The following FMN1 variants were observed in gnomAD, a reference collection of about 807,000 sequenced individuals.
The protein encoded by FMN1 is formin 1.
FMN1 carries 110 observed loss-of-function variants against 132.4 expected under a neutral mutation model. That is an observed-to-expected ratio of 0.83 (90% CI 0.71 to 0.97). The LOEUF (loss-of-function observed/expected upper bound fraction) is 0.97, where lower values mean the gene tolerates loss of function less well. FMN1 is among the 50% of genes least tolerant of loss of function. The pLI is 0.00. For missense variants in FMN1, 1,792 were observed against 1,705.3 expected, an observed-to-expected ratio of 1.05 and a Z score of -0.90; for synonymous variants, 722 against 651.7, an observed-to-expected ratio of 1.11 and a Z score of -1.64.
chr15:32,868,621 A>C (rs191664116), intron 16 of FMN1, among the ~76,000 whole-genome samples: 292 of 152,274 alleles, frequency 1.9e-3, no homozygotes, highest in African/African-American at 6.7e-3. Context: ...CACGTGAAAA[A>C]CATCTCTCTT....
At chr15:33,043,275 C>A (rs538537002) in intron 6 of FMN1, among the ~76,000 whole-genome samples, 1 of 152,322 alleles carries the variant, frequency 6.6e-6, no homozygotes, top group South Asian at 2.1e-4. Context: ...TTTTTCTATA[C>A]ATCATGAACT....
rs374217547 is a variant in FMN1, at chr15:33,096,877, C to T, written c.1868-7903G>A. Among the ~76,000 whole-genome samples, 66 of 152,322 alleles carry T rather than the reference C, an allele frequency of 4.3e-4. No individual in the cohort carries two copies. In the East Asian group the frequency reaches 8.7e-3, roughly 20 times the overall value. ...TTGGCTTTCCAAAGTGCTGGGATTA[C>T]AGGCATGCACCAACTCGCCTCGCTG... On this transcript the variant is annotated intron_variant, in intron 4 of 20. Coordinates refer to ENST00000616417, the MANE Select transcript of FMN1 (RefSeq NM_001277313.2).
intron 17 of FMN1, among the ~76,000 whole-genome samples, chr15:32,813,572 C>G (rs2057959056): frequency 6.6e-6 from 1 of 152,180 alleles, no homozygotes; most frequent in African/African-American, 2.4e-5. Flanking sequence ...TGATTTGTGG[C>G]TGATATTCTA....
At chr15:33,069,327 C>G (rs568182206) in intron 5 of FMN1, among the ~76,000 whole-genome samples, 1 of 152,326 alleles carries the variant, frequency 6.6e-6, no homozygotes, top group South Asian at 2.1e-4. Context: ...TTTTCCAAAT[C>G]CAGTCCCACT....
rs75043673 is a variant in FMN1, at chr15:33,032,655, G to A, written c.2162-24580C>T. ...AAATAACTTATACAAAGTATTCCAG[G>A]TTTATGAGCATAACCCTCGGTTCCA... On this transcript the variant is annotated intron_variant, in intron 6 of 20. Transcript: ENST00000616417. Among the ~76,000 whole-genome samples, 3 of 152,248 alleles carry A rather than the reference G, an allele frequency of 2.0e-5. No homozygotes were observed. The East Asian group carries it at 5.8e-4, about 29-fold the overall frequency.
rs545074050 is a variant in FMN1, at chr15:33,175,078, T to C, written c.-132+5120A>G. On this transcript the variant is annotated intron_variant, in intron 3 of 20. Transcript: ENST00000616417. ...GTCTCACCCAGGCTGGAAGGTGGAG[T>C]GCAGTGGCATGATTATGGCTCACTG... 3.1e-3 allele frequency among the ~76,000 whole-genome samples: 471 copies of C among 151,766 alleles called. 3 individuals are homozygous for C. Among genetic ancestry groups the C allele is most frequent in the South Asian group, 8.3e-3 (40 of 4,800 alleles).
chr15:32,910,462 T>C lies in FMN1; in HGVS notation c.3288+12A>G. 6.4e-7 allele frequency: 1 copy of C among 1,564,328 alleles called. No homozygotes were observed. Among genetic ancestry groups the C allele is most frequent in the Non-Finnish European group, 8.7e-7 (1 of 1,151,610 alleles). ...TATGGAAATACTAGCTCTGTAAGTCTTTGACACTCACGTTTTCATATAAGG... is the reference window on the plus strand; with the variant it reads ...TATGGAAATACTAGCTCTGTAAGTCCTTGACACTCACGTTTTCATATAAGG... On this transcript the variant is annotated intron_variant, in intron 11 of 20. Coordinates refer to ENST00000616417, the MANE Select transcript of FMN1 (RefSeq NM_001277313.2).
At chr15:32,788,710 C>T (rs1032456331) in intron 19 of FMN1, among the ~76,000 whole-genome samples, 1 of 152,230 alleles carries the variant, frequency 6.6e-6, no homozygotes, top group African/African-American at 2.4e-5. Flanking sequence ...TTCCATTGTT[C>T]TCTGCCAAGC....
intron 10 of FMN1, among the ~76,000 whole-genome samples, chr15:32,916,779 GT>G (rs890753381): frequency 1.3e-5 from 2 of 152,124 alleles, no homozygotes; most frequent in African/African-American, 4.8e-5. Flanking sequence ...AAATTATTTT[GT>G]TTACAATGTT....
intron 17 of FMN1, among the ~76,000 whole-genome samples, chr15:32,819,579 T>C (rs972762723): frequency 4.6e-5 from 7 of 152,220 alleles, no homozygotes; most frequent in African/African-American, 9.6e-5. Context: ...ACAAGATTTA[T>C]TGCATATTTT....
At chr15:32,882,422 C>T (rs1245097269) in intron 16 of FMN1, among the ~76,000 whole-genome samples, 1 of 152,158 alleles carries the variant, frequency 6.6e-6, no homozygotes, top group Non-Finnish European at 1.5e-5. Flanking sequence ...ATTAAGTGCT[C>T]ATTAAATGGT....
chr15:32,931,108 T>G (rs946051846), intron 9 of FMN1, among the ~76,000 whole-genome samples: 1 of 152,194 alleles, frequency 6.6e-6, no homozygotes, highest in Admixed American at 6.6e-5. Context: ...TGGCAATTTG[T>G]TTTGAATTCA....
intron 5 of FMN1, among the ~76,000 whole-genome samples, chr15:33,079,571 T>C (rs1038915543): frequency 6.6e-6 from 1 of 152,250 alleles, no homozygotes; most frequent in Non-Finnish European, 1.5e-5. Context: ...TGGAGTGAGC[T>C]GAGATCATGC....
intron 6 of FMN1, among the ~76,000 whole-genome samples, chr15:33,028,697 T>C (rs2035796093): frequency 6.6e-6 from 1 of 152,196 alleles, no homozygotes; most frequent in South Asian, 2.1e-4. Flanking sequence ...CGGTTTCATC[T>C]GGTAGCAAAC....
intron 9 of FMN1, among the ~76,000 whole-genome samples, chr15:32,937,451 T>G (rs1179561789): frequency 6.6e-6 from 1 of 152,194 alleles, no homozygotes; most frequent in Non-Finnish European, 1.5e-5. Flanking sequence ...CTTAACTGAT[T>G]TCTGAATTTC....
At chr15:33,019,645 G>A (rs1046328668) in intron 6 of FMN1, among the ~76,000 whole-genome samples, 3 of 152,170 alleles carry the variant, frequency 2.0e-5, no homozygotes, top group African/African-American at 7.2e-5. Flanking sequence ...GCTAAGCCCC[G>A]GGGACAAATC....
chr15:32,923,496 T>C (rs1015906767), intron 10 of FMN1, among the ~76,000 whole-genome samples: 2 of 152,154 alleles, frequency 1.3e-5, no homozygotes, highest in Non-Finnish European at 1.5e-5. Flanking sequence ...TTTTAGAACT[T>C]AGGAGCCAAC....
intron 6 of FMN1, among the ~76,000 whole-genome samples, chr15:33,011,925 C>T (rs1296845297): frequency 6.6e-6 from 1 of 152,216 alleles, no homozygotes; most frequent in Non-Finnish European, 1.5e-5. Flanking sequence ...CTTCCATACA[C>T]TTCACTTACA....
chr15:32,805,280 G>T (rs1390176239), intron 17 of FMN1, among the ~76,000 whole-genome samples: 1 of 152,178 alleles, frequency 6.6e-6, no homozygotes, highest in Non-Finnish European at 1.5e-5. Flanking sequence ...ATTTTTTCAT[G>T]TGTCTATTGG....
Sources: gnomAD v4.1 joint callset for allele counts (sites outside exome capture counted in the v4.1 genomes callset) on GRCh38, gnomAD v4.1.1 for gene constraint, MANE v1.5 for transcripts, NCBI Gene and HGNC (gene_info 2026-07-23, HGNC 2026-07-21) for gene names.